TMC5: variants seen among roughly 807,000 people sequenced by gnomAD.
The protein encoded by TMC5 is transmembrane channel like 5.
TMC5 carries 86 observed loss-of-function variants against 110.5 expected under a neutral mutation model. That is an observed-to-expected ratio of 0.78 (90% CI 0.65 to 0.93). The LOEUF is 0.93. TMC5 is among the 40% of genes least tolerant of loss of function. The pLI is 0.00. For synonymous variants in TMC5, 455 were observed against 439.5 expected (o/e 1.04, Z -0.44); for missense variants, 1,144 against 1,222.8 (o/e 0.94, Z 0.96).
At chr16:19,488,728 A>C (rs1242185146) in intron 17 of TMC5, among the ~76,000 whole-genome samples, 4 of 151,994 alleles carry the variant, frequency 2.6e-5, no homozygotes, top group African/African-American at 9.7e-5. Context: ...TCTCTCTCAG[A>C]CCTGAGTTTC....
chr16:19,427,403 C>T (rs1470282581), intron 1 of TMC5, among the ~76,000 whole-genome samples: 3 of 152,216 alleles, frequency 2.0e-5, no homozygotes, highest in Non-Finnish European at 4.4e-5. Flanking sequence ...AGTGAGCTAT[C>T]ATCGTGCCAC....
chr16:19,414,455 T>C (rs1966866967), upstream of TMC5, among the ~76,000 whole-genome samples: 1 of 152,206 alleles, frequency 6.6e-6, no homozygotes, highest in African/African-American at 2.4e-5. Context: ...TTCATGTGTG[T>C]TATTCCAGAT....
intron 13 of TMC5, among the ~76,000 whole-genome samples, chr16:19,479,188 G>A (rs1968556597): frequency 1.3e-5 from 2 of 152,196 alleles, no homozygotes; most frequent in Non-Finnish European, 2.9e-5. Context: ...AACAGGGAAA[G>A]TTTGGGTATG....
chr16:19,446,845 G>A (rs1323424575), intron 4 of TMC5, among the ~76,000 whole-genome samples: 2 of 152,148 alleles, frequency 1.3e-5, no homozygotes, highest in Non-Finnish European at 2.9e-5. Flanking sequence ...CTTTTGTAGG[G>A]CAAAGTTTGC....
intron 1 of TMC5, among the ~76,000 whole-genome samples, chr16:19,430,080 C>A (rs541894509): frequency 6.6e-6 from 1 of 152,154 alleles, no homozygotes; most frequent in Non-Finnish European, 1.5e-5. Context: ...AAGTCACACA[C>A]CACATTTACG....
intron 1 of TMC5, among the ~76,000 whole-genome samples, chr16:19,429,858 C>G (rs1470204647): frequency 6.6e-6 from 1 of 151,970 alleles, no homozygotes; most frequent in Non-Finnish European, 1.5e-5. Context: ...CTGTGCCTGG[C>G]CCAAAGTTCC....
rs1226858039 is a variant in TMC5, at chr16:19,495,008, A to ATTTTTTTTTTTTTTTT, written c.2931+644_2931+645insTTTTTTTTTTTTTTTT. Among the ~76,000 whole-genome samples, 4 of 37,132 alleles carry ATTTTTTTTTTTTTTTT rather than the reference A, an allele frequency of 1.1e-4. 1 individual carries two copies. The highest frequency in any genetic ancestry group is 2.5e-4 in the African/African-American group (2 of 8,048). 24.4% of individuals were successfully genotyped at this position (37,132 alleles called of 152,430 possible). A position where few individuals can be genotyped will look rare whatever the true frequency, so the allele number is the denominator to read the frequency against. On this transcript the variant is annotated intron_variant, in intron 20 of 21. Coordinates refer to ENST00000542583, the MANE Select transcript of TMC5 (RefSeq NM_001261841.2). ...TCTCACTATGAATACTTCAGTGTCTATTCTTTTTTTTTTTTTTTTTTTTTG... is the reference window on the plus strand; with the variant it reads ...TCTCACTATGAATACTTCAGTGTCTATTTTTTTTTTTTTTTTTTCTTTTTTTTTTTTTTTTTTTTTG...
intron 10 of TMC5, among the ~76,000 whole-genome samples, chr16:19,471,885 C>T (rs900368566): frequency 2.6e-5 from 4 of 152,144 alleles, no homozygotes; most frequent in Non-Finnish European, 5.9e-5. Flanking sequence ...CTCAGCCTCC[C>T]GAGTAGCTGG....
chr16:19,458,860 C>G (rs1967950835), intron 5 of TMC5, among the ~76,000 whole-genome samples: 1 of 152,122 alleles, frequency 6.6e-6, no homozygotes, highest in African/African-American at 2.4e-5. Context: ...CCCGGCGGGC[C>G]ATTCTAACCC....
At chr16:19,443,142 C>A (rs1205162110) in intron 3 of TMC5, among the ~76,000 whole-genome samples, 1 of 152,184 alleles carries the variant, frequency 6.6e-6, no homozygotes. Flanking sequence ...TTTGGCTGAT[C>A]CTTAGCATTA....
At position 19,440,321 on chromosome 16, in the gene TMC5, T is replaced by G. The variant is rs750709912; in HGVS notation, c.283T>G (p.Ser95Ala). 6.2e-7 allele frequency: 1 copy of G among 1,614,104 alleles called. No individual in the cohort carries two copies. The highest frequency in any genetic ancestry group is 1.1e-5 in the South Asian group (1 of 91,066). Residue 95 changes from serine (S) to alanine (A), a missense_variant, in exon 3 of 22, where the codon TCT (serine) becomes GCT (alanine). Transcript: ENST00000542583. Reference sequence around the variant, plus strand: ...CAGAAGCAATGCATACTCTGCAGCCTCTAGAACAAGCCCAGACCATCCTAC... The same window carrying G: ...CAGAAGCAATGCATACTCTGCAGCCGCTAGAACAAGCCCAGACCATCCTAC... ...GTRSNAYSAA[S>A]RTSPDHPTSL... is the part of the protein sequence containing the mutation.
At chr16:19,470,178 G>A (rs1968299362) in intron 10 of TMC5, among the ~76,000 whole-genome samples, 1 of 144,354 alleles carries the variant, frequency 6.9e-6, no homozygotes, top group Non-Finnish European at 1.5e-5. Flanking sequence ...ACAGGCGTAA[G>A]CCACCGCGCC....
intron 9 of TMC5, among the ~76,000 whole-genome samples, chr16:19,468,273 C>A (rs1253512643): frequency 6.6e-6 from 1 of 152,176 alleles, no homozygotes; most frequent in Non-Finnish European, 1.5e-5. Flanking sequence ...TCATGCCCGG[C>A]CAGAAATGAT....
chr16:19,457,709 C>CTTTTTTTTTTTTTTT lies in TMC5; in HGVS notation c.1049-2506_1049-2492dup, dbSNP rs573979829. Among the ~76,000 whole-genome samples, 38 of 43,924 alleles carry CTTTTTTTTTTTTTTT rather than the reference C, an allele frequency of 8.7e-4. 12 individuals carry two copies. The highest frequency in any genetic ancestry group is 1.6e-3 in the Non-Finnish European group (31 of 18,948). The allele number at this position is 43,924 out of a possible 152,430, so 28.8% of individuals were successfully genotyped here. ...TCTATCTGATTCCCAAGACTACATT[C>CTTTTTTTTTTTTTTT]TTTTTTTTTTTTTTTTTTTTTTTTT... On this transcript the variant is annotated intron_variant, in intron 5 of 21. Transcript: ENST00000542583.
intron 1 of TMC5, among the ~76,000 whole-genome samples, chr16:19,427,438 C>A (rs796954168): frequency 1.1e-4 from 17 of 152,122 alleles, no homozygotes; most frequent in African/African-American, 4.1e-4. Flanking sequence ...AGTGACAAAA[C>A]GAGACCCTGT....
chr16:19,425,584 G>T (rs949798116), intron 1 of TMC5, among the ~76,000 whole-genome samples: 1 of 152,062 alleles, frequency 6.6e-6, no homozygotes, highest in Non-Finnish European at 1.5e-5. Context: ...TAGAGCTGGC[G>T]CACAGCTGTT....
chr16:19,460,777 A>T (rs898072637), intron 6 of TMC5, among the ~76,000 whole-genome samples: 16 of 152,202 alleles, frequency 1.1e-4, no homozygotes, highest in African/African-American at 3.6e-4. Context: ...ATTCTACAAA[A>T]TACTCAACCA....
At chr16:19,491,567 G>A (rs1165422642) in intron 18 of TMC5, among the ~76,000 whole-genome samples, 2 of 132,108 alleles carry the variant, frequency 1.5e-5, no homozygotes, top group East Asian at 2.3e-4. Context: ...ACAGAGTCTC[G>A]CACTGTCACC....
chr16:19,490,514 A>G lies in TMC5; in HGVS notation c.2693A>G (p.Tyr898Cys). ...RPGYLWVVWIYRNLIGSVHFF... is the reference protein window; with the variant it reads ...RPGYLWVVWICRNLIGSVHFF... ...GGCTACCTGTGGGTTGTTTGGATCT[A>G]TCGGAACCTCATTGGAAGTGTGCAC... is the stretch of plus-strand genomic sequence containing the variant. The change falls in exon 18 of 22, where the codon TAT (tyrosine) becomes TGT (cysteine). Residue 898 changes from tyrosine (Y) to cysteine (C), a missense_variant. Coordinates refer to ENST00000542583, the MANE Select transcript of TMC5 (RefSeq NM_001261841.2). 1 of 1,614,072 alleles carries G rather than the reference A, an allele frequency of 6.2e-7. No individual in the cohort carries two copies.
Sources: allele counts gnomAD v4.1 joint callset (sites outside exome capture counted in the v4.1 genomes callset), GRCh38; gene constraint gnomAD v4.1.1; transcripts MANE v1.5; gene names NCBI Gene and HGNC (gene_info 2026-07-23, HGNC 2026-07-21).